Variants in SHROOM4 observed in about 807,000 individuals in gnomAD.
SHROOM4 encodes shroom family member 4.
Under a neutral mutation model 80.3 loss-of-function variants are expected in SHROOM4, and 17 were observed. The observed-to-expected ratio is 0.21, with a 90% CI of 0.14 to 0.32. The LOEUF is 0.32. SHROOM4 is among the 10% of genes least tolerant of loss of function. The pLI is 1.00. For synonymous variants in SHROOM4, 400 were observed against 437.5 expected, an observed-to-expected ratio of 0.91 and a Z score of 1.07; for missense variants, 993 against 1,140.3, an observed-to-expected ratio of 0.87 and a Z score of 1.86.
downstream of SHROOM4, among the ~76,000 whole-genome samples, chrX:50,585,803 C>T (rs1807632491): frequency 9.0e-6 from 1 of 111,339 alleles, no homozygotes; most frequent in Admixed American, 9.5e-5. Flanking sequence ...GTTTTTCTCA[C>T]TCAGAGATTG....
At chrX:50,756,582 C>T (rs1935043429) in intron 1 of SHROOM4, among the ~76,000 whole-genome samples, 1 of 112,110 alleles carries the variant, frequency 8.9e-6, no homozygotes, top group African/African-American at 3.2e-5. Context: ...AACTGTTTTC[C>T]AAAGAACTAC....
At chrX:50,618,485 C>T (rs1336228568) in intron 5 of SHROOM4, among the ~76,000 whole-genome samples, 2 of 107,412 alleles carry the variant, frequency 1.9e-5, no homozygotes, top group African/African-American at 6.8e-5. Flanking sequence ...TGGCCGACTG[C>T]AACCTCTGCC....
At chrX:50,679,785 G>T (rs1269212521) in intron 2 of SHROOM4, among the ~76,000 whole-genome samples, 1 of 111,636 alleles carries the variant, frequency 9.0e-6, no homozygotes, top group Non-Finnish European at 1.9e-5. Flanking sequence ...TCAGACACTG[G>T]AACTTATTCC....
chrX:50,722,539 G>A (rs182421734), intron 1 of SHROOM4, among the ~76,000 whole-genome samples: 2 of 110,654 alleles, frequency 1.8e-5, no homozygotes, highest in South Asian at 7.8e-4. Context: ...GCATTTAATG[G>A]GTAAAGGCAG....
chrX:50,731,416 C>T (rs566122343), intron 1 of SHROOM4, among the ~76,000 whole-genome samples: 1 of 111,711 alleles, frequency 9.0e-6, no homozygotes, highest in African/African-American at 3.3e-5. Flanking sequence ...GGGAACAGGA[C>T]TTCAGCATTT....
At chrX:50,646,421 G>T (rs1931839382) in intron 2 of SHROOM4, among the ~76,000 whole-genome samples, 1 of 109,780 alleles carries the variant, frequency 9.1e-6, no homozygotes, top group Admixed American at 9.7e-5. Flanking sequence ...CACCATGGAG[G>T]GACACAGAGC....
intron 5 of SHROOM4, among the ~76,000 whole-genome samples, chrX:50,619,134 T>C (rs1212927518): frequency 1.8e-5 from 2 of 112,334 alleles, no homozygotes; most frequent in African/African-American, 6.5e-5. Flanking sequence ...GGATTTTCCC[T>C]TTTTGTTAAA....
At chrX:50,659,133 G>A (rs1442752640) in intron 2 of SHROOM4, among the ~76,000 whole-genome samples, 2 of 111,602 alleles carry the variant, frequency 1.8e-5, no homozygotes, top group African/African-American at 3.3e-5. Flanking sequence ...GAACAATGGT[G>A]TCCTGAGGGT....
At chrX:50,675,061 G>A (rs1226530091) in intron 2 of SHROOM4, among the ~76,000 whole-genome samples, 1 of 111,688 alleles carries the variant, frequency 9.0e-6, no homozygotes, top group Non-Finnish European at 1.9e-5. Flanking sequence ...AGACATGAGA[G>A]GACACTGTAT....
Position 50,638,272 on chromosome X carries a change from A to G in SHROOM4, c.306T>C (p.His102=). The G allele has an allele frequency of 8.3e-7, 1 of 1,212,012 alleles. No homozygotes were observed. Among genetic ancestry groups the G allele is most frequent in the Middle Eastern group, 2.3e-4 (1 of 4,353 alleles). The part of the protein sequence containing the change: ...NAPVSRPHSW[H]VAKLLEGCPE... ...GGCATCCCTCCAGCAGCTTGGCCAC[A>G]TGCCATGAGTGCGGCCTACTGACAG... is the stretch of plus-strand genomic sequence containing the variant. Residue 102 remains histidine (H), a synonymous_variant, in exon 3 of 9, where the codon CAT becomes CAC. Coordinates refer to ENST00000376020, the MANE Select transcript of SHROOM4 (RefSeq NM_020717.5).
chrX:50,609,200 T>C (rs1214295615), intron 5 of SHROOM4, among the ~76,000 whole-genome samples: 1 of 110,150 alleles, frequency 9.1e-6, no homozygotes, highest in Middle Eastern at 4.2e-3. Flanking sequence ...AGGTCGAGGC[T>C]ACAGTGAGCC....
chrX:50,759,596 G>T (rs782339108), intron 1 of SHROOM4, among the ~76,000 whole-genome samples: 85 of 111,244 alleles, frequency 7.6e-4, no homozygotes, highest in Non-Finnish European at 1.2e-3. Flanking sequence ...CCTTCCACTG[G>T]TTTTGCATTT....
chrX:50,723,393 G>A lies in SHROOM4; in HGVS notation c.118-27456C>T, dbSNP rs188509692. Among the ~76,000 whole-genome samples the A allele has an allele frequency of 6.2e-4, 34 of 54,428 alleles. 1 individual carries two copies. The highest frequency in any genetic ancestry group is 8.7e-4 in the Admixed American group (3 of 3,446). The allele number at this position is 54,428 out of a possible 115,157, so 47.3% of individuals were successfully genotyped here. The stretch of plus-strand genomic sequence containing the variant: ...GGGAGGGAGGGAGGGAGCAAGGGAG[G>A]GAGAGAGAGAGAGAGAGAGAGAGAG... On this transcript the variant is annotated intron_variant, in intron 1 of 8. Coordinates refer to ENST00000376020, the MANE Select transcript of SHROOM4 (RefSeq NM_020717.5).
intron 1 of SHROOM4, among the ~76,000 whole-genome samples, chrX:50,795,131 TATATATATATATATG>T (rs1557271977): frequency 0.029 from 89 of 3,103 alleles, 13 homozygotes; most frequent in Non-Finnish European, 0.046. Flanking sequence ...ATATATGATA[TATATATATATATATG>T]ATATATATAT....
intron 2 of SHROOM4, among the ~76,000 whole-genome samples, chrX:50,679,885 A>C (rs1932906190): frequency 9.0e-6 from 1 of 111,226 alleles, no homozygotes; most frequent in African/African-American, 3.3e-5. Context: ...ATTTTTCTAT[A>C]CTCCTTTTAC....
chrX:50,685,629 TAAG>T (rs1290604811), intron 2 of SHROOM4, among the ~76,000 whole-genome samples: 3 of 112,201 alleles, frequency 2.7e-5, no homozygotes, highest in Non-Finnish European at 5.6e-5. Context: ...CCTTGACTGG[TAAG>T]AAGAAGCTGC....
At position 50,634,176 on chromosome X, in the gene SHROOM4, T is replaced by C; in HGVS notation, c.1897A>G (p.Thr633Ala). 8.3e-7 allele frequency: 1 copy of C among 1,211,760 alleles called. No homozygotes were observed. The highest frequency in any genetic ancestry group is 1.1e-6 in the Non-Finnish European group (1 of 895,519). The change falls in exon 4 of 9, where the codon ACT becomes GCT. Residue 633 changes from threonine (T) to alanine (A), a missense_variant. Coordinates refer to ENST00000376020, the MANE Select transcript of SHROOM4 (RefSeq NM_020717.5). ...TQEPPESPPLTASNTSLLSSC... is the reference protein window; with the variant it reads ...TQEPPESPPLAASNTSLLSSC... ...GATAGAAGAGATGTGTTAGAGGCAG[T>C]GAGTGGAGGACTTTCTGGGGGCTCC...
At chrX:50,800,274 T>A (rs1936092490) in intron 1 of SHROOM4, among the ~76,000 whole-genome samples, 1 of 111,780 alleles carries the variant, frequency 8.9e-6, no homozygotes, top group South Asian at 3.8e-4. Context: ...GAGTAAAAAA[T>A]TTTTGCTTGA....
chrX:50,587,355 A>C lies in SHROOM4; in HGVS notation c.*9340T>G, dbSNP rs781899726. ...TCCTCAAAATATTAAGAATACGATG[A>C]CCATATGATGCAGAGATTCTTCTTC... On this transcript the variant is annotated 3_prime_UTR_variant, in exon 9 of 9. Transcript: ENST00000376020. 8.9e-6 allele frequency among the ~76,000 whole-genome samples: 1 copy of C among 112,217 alleles called. No individual in the cohort carries two copies. Among genetic ancestry groups the C allele is most frequent in the Non-Finnish European group, 1.9e-5 (1 of 53,179 alleles).
Sources: gnomAD v4.1 joint callset for allele counts (sites outside exome capture counted in the v4.1 genomes callset) on GRCh38, gnomAD v4.1.1 for gene constraint, MANE v1.5 for transcripts, NCBI Gene and HGNC (gene_info 2026-07-23, HGNC 2026-07-21) for gene names.